Variants in CHD1L observed in about 807,000 individuals in gnomAD.
CHD1L encodes the protein ATP-dependent chromatin remodeler CHD1L.
A neutral mutation model predicts 115.9 loss-of-function variants in CHD1L; 118 were observed. The ratio of observed to expected loss-of-function variants is 1.02; its 90% confidence interval spans 0.88 to 1.19. The LOEUF is 1.19. Among genes scored for constraint, CHD1L ranks in the 50% most tolerant of loss-of-function variants. The pLI, the probability that CHD1L is intolerant of heterozygous loss-of-function variation, is 0.00. For missense variants in CHD1L, 1,179 were observed against 1,065.3 expected, an observed-to-expected ratio of 1.11 and a Z score of -1.49; for synonymous variants, 411 against 387.1, an observed-to-expected ratio of 1.06 and a Z score of -0.72.
At chr1:147,173,446 G>A in the CHD1L span, 4 of 152,224 alleles carry the variant, frequency 2.6e-5, no homozygotes, top group Non-Finnish European at 5.9e-5. Context: ...AGTCTTAGGA[G>A]AAGAACGAAA....
intron 15 of CHD1L, among the ~76,000 whole-genome samples, chr1:147,283,588 T>C (rs1681796413): frequency 6.6e-6 from 1 of 152,128 alleles, no homozygotes; most frequent in African/African-American, 2.4e-5. Flanking sequence ...GTTGGAAAAA[T>C]CAGACACGAT....
upstream of CHD1L, among the ~76,000 whole-genome samples, chr1:147,239,363 A>T (rs1664697841): frequency 6.6e-6 from 1 of 152,186 alleles, no homozygotes; most frequent in Non-Finnish European, 1.5e-5. Flanking sequence ...CTATGTGCCC[A>T]GCACTGTTTG....
chr1:147,207,899 C>T, the CHD1L span, among the ~76,000 whole-genome samples: 3 of 152,316 alleles, frequency 2.0e-5, no homozygotes, highest in East Asian at 5.8e-4. Flanking sequence ...CATCTTGTCT[C>T]ACCACTGCCT....
At chr1:147,224,923 TCA>T in the CHD1L span, 2 of 1,613,904 alleles carry the variant, frequency 1.2e-6, no homozygotes, top group African/African-American at 2.7e-5. Context: ...TCCGATGTCA[TCA>T]GTCCTTTCAA....
intron 12 of CHD1L, among the ~76,000 whole-genome samples, chr1:147,272,895 G>A (rs1553954454): frequency 1.1e-5 from 1 of 87,392 alleles, no homozygotes; most frequent in Non-Finnish European, 2.2e-5. Context: ...AAGTCATTGT[G>A]GTGTCTGGAA....
intron 17 of CHD1L, among the ~76,000 whole-genome samples, chr1:147,286,081 G>A (rs1294780359): frequency 6.6e-6 from 1 of 152,152 alleles, no homozygotes; most frequent in Admixed American, 6.5e-5. Flanking sequence ...TTAAAAACAG[G>A]AACATTCAGG....
At chr1:147,291,417 C>G (rs181940833) in intron 19 of CHD1L, 65 bp from the exon 20 acceptor site, 18 of 1,325,424 alleles carry the variant, frequency 1.4e-5, no homozygotes, top group Non-Finnish European at 2.0e-5. Context: ...AGGCGAGATA[C>G]GAGGAGGATT....
chr1:147,243,668 G>C (rs1665651783), intron 1 of CHD1L, among the ~76,000 whole-genome samples: 1 of 152,120 alleles, frequency 6.6e-6, no homozygotes, highest in Admixed American at 6.5e-5. Flanking sequence ...TGTGTGCTTT[G>C]ACTGTATTGA....
intron 1 of CHD1L, among the ~76,000 whole-genome samples, chr1:147,250,849 C>T (rs1668187889): frequency 6.6e-6 from 1 of 151,982 alleles, no homozygotes; most frequent in South Asian, 2.1e-4. Context: ...CCACATCTCA[C>T]CCTGAATTGT....
At chr1:147,277,935 C>T (rs1301525619) in intron 14 of CHD1L, among the ~76,000 whole-genome samples, 6 of 152,100 alleles carry the variant, frequency 3.9e-5, no homozygotes, top group Non-Finnish European at 5.9e-5. Context: ...TGAGGGGTAT[C>T]TTGTGATGTG....
intron 1 of CHD1L, among the ~76,000 whole-genome samples, chr1:147,251,844 A>G (rs1453795828): frequency 6.6e-6 from 1 of 152,212 alleles, no homozygotes; most frequent in Non-Finnish European, 1.5e-5. Context: ...AGTGTTTACT[A>G]CTACTCTGGT....
upstream of CHD1L, among the ~76,000 whole-genome samples, chr1:147,242,485 G>A (rs782218436): frequency 6.6e-6 from 1 of 152,244 alleles, no homozygotes; most frequent in Non-Finnish European, 1.5e-5. Flanking sequence ...AGCACGACTG[G>A]TGAGAACTGG....
the CHD1L span, among the ~76,000 whole-genome samples, chr1:147,184,836 C>T: frequency 1.3e-5 from 2 of 151,994 alleles, no homozygotes; most frequent in South Asian, 2.1e-4. This position sits in a 1 kb window ranked among gnomAD's most constrained non-coding sequence, Gnocchi z 4.4. Flanking sequence ...AGTCACTATT[C>T]AGCTCACACT....
At chr1:147,250,672 A>G (rs1220482796) in intron 1 of CHD1L, among the ~76,000 whole-genome samples, 6 of 152,116 alleles carry the variant, frequency 3.9e-5, no homozygotes, top group Non-Finnish European at 7.3e-5. Context: ...GTAGAAGTCT[A>G]TGCTTTCCAC....
intron 13 of CHD1L, 69 bp from the exon 14 acceptor site, chr1:147,276,035 T>C: frequency 2.0e-6 from 3 of 1,481,034 alleles, no homozygotes; most frequent in Non-Finnish European, 2.8e-6. Context: ...TAGATGTATT[T>C]ACCTTGCATA....
the CHD1L span, among the ~76,000 whole-genome samples, chr1:147,216,716 A>G: frequency 2.0e-5 from 3 of 152,194 alleles, no homozygotes; most frequent in African/African-American, 7.2e-5. Context: ...CCTTACTACC[A>G]AAGTATGGTC....
the CHD1L span, among the ~76,000 whole-genome samples, chr1:147,233,996 C>G: frequency 6.6e-6 from 1 of 152,186 alleles, no homozygotes; most frequent in Admixed American, 6.6e-5. Context: ...AAACCAGAGA[C>G]CTTTGTTCAC....
the CHD1L span, chr1:147,213,460 C>A: frequency 6.2e-7 from 1 of 1,604,548 alleles, no homozygotes; most frequent in Non-Finnish European, 8.5e-7. Flanking sequence ...CTTCACACTG[C>A]ACACAGTGGT....
the CHD1L span, chr1:147,204,547 A>G: frequency 5.1e-6 from 8 of 1,582,850 alleles, no homozygotes; most frequent in Non-Finnish European, 6.1e-6. Context: ...ATAACCTTCT[A>G]TGACCTCTGA....
Sources: allele counts gnomAD v4.1 joint callset (sites outside exome capture counted in the v4.1 genomes callset), GRCh38; gene constraint gnomAD v4.1.1; non-coding constraint Gnocchi (gnomAD v3.1); transcripts MANE v1.5; gene names NCBI Gene and HGNC (gene_info 2026-07-23, HGNC 2026-07-21).